The following TRAF2 variants were observed in gnomAD, a reference collection of about 807,000 sequenced individuals.
The protein encoded by TRAF2 is TNF receptor-associated factor 2.
Under a neutral mutation model 55.6 loss-of-function variants are expected in TRAF2, and 6 were observed. The observed-to-expected ratio is 0.11, with a 90% CI of 0.06 to 0.21. TRAF2 has a LOEUF of 0.21. Ranked by LOEUF, TRAF2 falls within the 10% of genes least tolerant of loss-of-function variation. TRAF2 has a pLI of 1.00. For missense variants in TRAF2, 561 were observed against 684.5 expected (o/e 0.82, Z 2.01); for synonymous variants, 329 against 276.3 (o/e 1.19, Z -1.89).
At chr9:136,903,366 G>A (rs916708127) in intron 4 of TRAF2, among the ~76,000 whole-genome samples, 3 of 151,322 alleles carry the variant, frequency 2.0e-5, no homozygotes, top group East Asian at 3.8e-4. Context: ...AGCTGGATGC[G>A]GGGGTGCGGG....
At chr9:136,889,283 C>CT (rs974349436) in intron 1 of TRAF2, among the ~76,000 whole-genome samples, 12 of 148,964 alleles carry the variant, frequency 8.1e-5, no homozygotes, top group East Asian at 5.9e-4. Context: ...CACGCCTGGC[C>CT]TTTTTTTTTC....
intron 4 of TRAF2, among the ~76,000 whole-genome samples, chr9:136,905,807 G>GTT (rs1849934347): frequency 1.3e-5 from 2 of 151,964 alleles, no homozygotes; most frequent in South Asian, 4.2e-4. Context: ...GACCAGCCTG[G>GTT]GTAAGATGGC....
intron 7 of TRAF2, 145 bp downstream of exon 7, chr9:136,916,760 T>C: frequency 1.3e-6 from 1 of 779,338 alleles, no homozygotes; most frequent in Middle Eastern, 3.3e-4. Context: ...GCTGTCCGAG[T>C]GTTCCCAGCT....
chr9:136,916,748 C>T (rs369028334), intron 7 of TRAF2, 133 bp downstream of exon 7: 20 of 860,992 alleles, frequency 2.3e-5, no homozygotes, highest in South Asian at 1.1e-4. Context: ...CCTCCTGCCC[C>T]GGCTGTCCGA....
chr9:136,905,981 C>T (rs1303050592), intron 4 of TRAF2, among the ~76,000 whole-genome samples: 10 of 152,102 alleles, frequency 6.6e-5, no homozygotes, highest in South Asian at 6.2e-4. Context: ...GGCGGGCGCC[C>T]GTAGTCCCAG....
intron 4 of TRAF2, among the ~76,000 whole-genome samples, chr9:136,901,622 G>A (rs531836098): frequency 6.6e-6 from 1 of 152,190 alleles, no homozygotes; most frequent in African/African-American, 2.4e-5. Flanking sequence ...TGAGTACCGA[G>A]TCATACATTG....
intron 6 of TRAF2, 113 bp downstream of exon 6, chr9:136,910,107 C>A: frequency 8.8e-7 from 1 of 1,132,124 alleles, no homozygotes; most frequent in Non-Finnish European, 1.3e-6. Flanking sequence ...AAAGGAACAG[C>A]AGTGCAAAGC....
intron 9 of TRAF2, among the ~76,000 whole-genome samples, chr9:136,921,856 C>A (rs1850394714): frequency 6.6e-6 from 1 of 152,228 alleles, no homozygotes. Context: ...GGCGGCCCCC[C>A]TGCTGTCCCT....
At chr9:136,884,363 G>C (rs1272554751), upstream of TRAF2, among the ~76,000 whole-genome samples, 1 of 151,880 alleles carries the variant, frequency 6.6e-6, no homozygotes, top group African/African-American at 2.4e-5. Flanking sequence ...TTCGAGACCA[G>C]CCTGAGCAAC....
intron 1 of TRAF2, among the ~76,000 whole-genome samples, chr9:136,897,883 C>G (rs576734235): frequency 4.9e-4 from 67 of 135,366 alleles, no homozygotes; most frequent in African/African-American, 1.9e-3. Flanking sequence ...TTCCCGCTCT[C>G]GGGGCTGGAG....
chr9:136,891,743 C>CG (rs1322976006), intron 1 of TRAF2, among the ~76,000 whole-genome samples: 1 of 148,266 alleles, frequency 6.7e-6, no homozygotes, highest in Non-Finnish European at 1.5e-5. Context: ...TTTTTTGAGA[C>CG]GAAGTTTCGC....
upstream of TRAF2, among the ~76,000 whole-genome samples, chr9:136,884,421 G>C (rs906270579): frequency 5.3e-5 from 8 of 152,006 alleles, no homozygotes; most frequent in African/African-American, 1.9e-4. Context: ...TTAGCCGGGC[G>C]TAGCGGTGTG....
At chr9:136,897,585 T>A (rs1485656614) in intron 1 of TRAF2, among the ~76,000 whole-genome samples, 1 of 140,096 alleles carries the variant, frequency 7.1e-6, no homozygotes, top group South Asian at 2.3e-4. Flanking sequence ...TACGTTCCGC[T>A]CTCGGGGCTG....
rs201077633 is a variant in TRAF2, at chr9:136,920,391, C to G, written c.836C>G (p.Thr279Arg). Residue 279 changes from threonine (T) to arginine (R), a missense_variant, in exon 8 of 11, where the codon ACG becomes AGG. This residue lies in a region of TRAF2 where 426 missense variants were observed against 476.8 expected (regional missense o/e 0.89). Coordinates refer to ENST00000247668, the MANE Select transcript of TRAF2 (RefSeq NM_021138.4). ...AGGTGCGAGAGCCTGGAGAAGAAGA[C>G]GGCCACTTTTGAGAACATTGTCTGC... ...LQRCESLEKK[T>R]ATFENIVCVL... 2 of 1,614,146 alleles carry G rather than the reference C, an allele frequency of 1.2e-6. No individual in the cohort carries two copies. Among genetic ancestry groups the G allele is most frequent in the South Asian group, 2.2e-5 (2 of 91,086 alleles).
chr9:136,916,026 A>G (rs1850232940), intron 6 of TRAF2, among the ~76,000 whole-genome samples: 1 of 151,950 alleles, frequency 6.6e-6, no homozygotes, highest in African/African-American at 2.4e-5. Flanking sequence ...GCATCCATAG[A>G]CCCATGTCAG....
Position 136,910,000 on chromosome 9 carries a change from T to C in TRAF2, c.603+6T>C, listed in dbSNP as rs750112255. The C allele has an allele frequency of 7.4e-6, 12 of 1,612,992 alleles. No homozygotes were observed. In the East Asian group the frequency reaches 2.7e-4, roughly 36 times the overall value. ...AGAAGATCCCCCGGGAGAAGGTGAGTGTCCTTCACCTCCTTGGAGGACCGC... is the reference window on the plus strand; with the variant it reads ...AGAAGATCCCCCGGGAGAAGGTGAGCGTCCTTCACCTCCTTGGAGGACCGC... On this transcript the variant is annotated splice_donor_region_variant and intron_variant, in intron 6 of 10. Transcript: ENST00000247668.
intron 6 of TRAF2, 66 bp from the exon 7 acceptor site, chr9:136,916,475 C>G (rs1178665576): frequency 1.3e-6 from 2 of 1,513,982 alleles, no homozygotes; most frequent in African/African-American, 2.8e-5. Context: ...TCAGTGTGGT[C>G]CATGTGGAAG....
rs1849797405 is a variant in TRAF2 at position 136,900,603 on chromosome 9, TC to T, written c.366+85del. ...CGCTCCCCAAGCAGTTATGACCTTG[TC>T]CTGCACGTTCCTCTCACTGGGGCTG... On this transcript the variant is annotated intron_variant, in intron 4 of 10. Transcript: ENST00000247668. 4 of 1,067,428 alleles carry T rather than the reference TC, an allele frequency of 3.7e-6. No homozygotes were observed. The Admixed American group carries it at 7.5e-5, about 20-fold the overall frequency. 66.1% of individuals were successfully genotyped at this position (1,067,428 alleles called of 1,614,324 possible). A position where few individuals can be genotyped will look rare whatever the true frequency, so the allele number is the denominator to read the frequency against.
rs111793983 is a variant in TRAF2 at position 136,925,945 on chromosome 9, G to C, written c.*44G>C. The C allele has an allele frequency of 1.9e-6, 3 of 1,607,346 alleles. No homozygotes were observed. Among genetic ancestry groups the C allele is most frequent in the African/African-American group, 1.3e-5 (1 of 74,948 alleles). On this transcript the variant is annotated 3_prime_UTR_variant, in exon 11 of 11. Coordinates refer to ENST00000247668, the MANE Select transcript of TRAF2 (RefSeq NM_021138.4). ...TGGGGGTTGGGGGCAGCCAGGCACA[G>C]CCGGCTCACGGAGGGGCCACCACGC...
Sources: gnomAD v4.1 joint callset for allele counts (sites outside exome capture counted in the v4.1 genomes callset) on GRCh38, gnomAD v4.1.1 for gene constraint, gnomAD v4.1.1 regional missense constraint, MANE v1.5 for transcripts, NCBI Gene and HGNC (gene_info 2026-07-23, HGNC 2026-07-21) for gene names.